Variants in ADAM19 observed in about 807,000 individuals in gnomAD.
The protein encoded by ADAM19 is disintegrin and metalloproteinase domain-containing protein 19.
A neutral mutation model predicts 114.7 loss-of-function variants in ADAM19; 65 were observed. The observed-to-expected ratio is 0.57, with a 90% confidence interval of 0.46 to 0.70. The LOEUF is 0.70. Ranked by LOEUF, ADAM19 falls within the 30% of genes least tolerant of loss-of-function variation. The probability of loss-of-function intolerance (pLI) is 0.00; values close to 1 mark genes in which losing one functional copy is unlikely to be tolerated. For missense variants in ADAM19, 1,063 were observed against 1,204.7 expected (o/e 0.88, Z 1.74); for synonymous variants, 466 against 460.5 (o/e 1.01, Z -0.15).
chr5:157,521,987 C>T (rs1055637738), intron 5 of ADAM19, among the ~76,000 whole-genome samples: 5 of 152,286 alleles, frequency 3.3e-5, no homozygotes, highest in Admixed American at 3.3e-4. Flanking sequence ...AGGGAAAGTT[C>T]CAATGGAGGT....
At chr5:157,546,919 C>T (rs1234339943) in intron 3 of ADAM19, among the ~76,000 whole-genome samples, 10 of 152,196 alleles carry the variant, frequency 6.6e-5, no homozygotes, top group Admixed American at 6.5e-4. Flanking sequence ...TCAACAAAAG[C>T]CGGTTTCAGA....
chr5:157,526,025 C>A (rs1581328727), intron 5 of ADAM19, among the ~76,000 whole-genome samples: 1 of 152,130 alleles, frequency 6.6e-6, no homozygotes, highest in East Asian at 1.9e-4. Context: ...GACATTAGTA[C>A]AAACGATATT....
chr5:157,517,257 G>C (rs1471461882), intron 7 of ADAM19, among the ~76,000 whole-genome samples: 1 of 152,218 alleles, frequency 6.6e-6, no homozygotes, highest in African/African-American at 2.4e-5. Flanking sequence ...CTTAGAATGA[G>C]CTCTTTGGGA....
chr5:157,520,277 C>T (rs1342561303), intron 5 of ADAM19, among the ~76,000 whole-genome samples: 30 of 72,326 alleles, frequency 4.1e-4, no homozygotes, highest in African/African-American at 1.5e-3. Flanking sequence ...TCCACCCCAA[C>T]CCCCACCCCA....
intron 15 of ADAM19, 98 bp from the exon 16 acceptor site, chr5:157,493,275 G>T (rs1755236744): frequency 1.5e-6 from 2 of 1,341,680 alleles, no homozygotes; most frequent in Admixed American, 1.9e-5. Context: ...AAGACAGCAG[G>T]CTTGCGTGGG....
intron 1 of ADAM19, 75 bp downstream of exon 1, chr5:157,575,528 G>C: frequency 7.7e-6 from 9 of 1,174,932 alleles, no homozygotes; most frequent in Non-Finnish European, 1.0e-5. Flanking sequence ...CGCGGTCCCA[G>C]CGCTCCGGAC....
Position 157,509,478 on chromosome 5 carries a change from A to G in ADAM19, c.739-11T>C. 6.4e-7 allele frequency: 1 copy of G among 1,572,826 alleles called. No homozygotes were observed. The highest frequency in any genetic ancestry group is 8.7e-7 in the Non-Finnish European group (1 of 1,154,894). On this transcript the variant is annotated splice_polypyrimidine_tract_variant and intron_variant, in intron 8 of 22. Transcript: ENST00000257527. ...CAAGGATCGGTAAAACTGAAAGGAC[A>G]CAGAAAAACCACAGTATCTGTCAAT...
chr5:157,546,386 C>G (rs1269982131), intron 3 of ADAM19, among the ~76,000 whole-genome samples: 2 of 152,194 alleles, frequency 1.3e-5, no homozygotes, highest in Admixed American at 6.5e-5. Context: ...ATTAAGGATA[C>G]TCACTCAACA....
chr5:157,561,304 CT>C (rs955449867), intron 3 of ADAM19, among the ~76,000 whole-genome samples: 7 of 152,258 alleles, frequency 4.6e-5, no homozygotes, highest in Non-Finnish European at 1.5e-5. Flanking sequence ...TGCCCCATGC[CT>C]TTCCATCCTC....
intron 21 of ADAM19, among the ~76,000 whole-genome samples, chr5:157,483,975 G>A (rs1295633311): frequency 1.3e-5 from 2 of 149,464 alleles, no homozygotes; most frequent in Non-Finnish European, 3.0e-5. Context: ...GAGCATGTAC[G>A]TGTATTGCCT....
intron 7 of ADAM19, among the ~76,000 whole-genome samples, chr5:157,515,785 G>A (rs1236017134): frequency 6.6e-6 from 1 of 152,180 alleles, no homozygotes; most frequent in South Asian, 2.1e-4. Context: ...TTACAGGCCT[G>A]TGTTTACAGT....
At position 157,501,216 on chromosome 5, in the gene ADAM19, C is replaced by T. The variant is rs558001595; in HGVS notation, c.1309-1554G>A. Among the ~76,000 whole-genome samples, 4 of 152,200 alleles carry T rather than the reference C, an allele frequency of 2.6e-5. No homozygotes were observed. The South Asian group carries it at 8.3e-4, about 32-fold the overall frequency. ...TCCTAATGTACCATATTTCTTCCCA[C>T]GAAGGCACAGGCTCCCCTTCCACCT... On this transcript the variant is annotated intron_variant, in intron 12 of 22. Transcript: ENST00000257527.
Position 157,479,149 on chromosome 5 carries a change from A to G in ADAM19, c.*1800T>C, listed in dbSNP as rs11466817. 3 of 985,800 alleles carry G rather than the reference A, an allele frequency of 3.0e-6. No homozygotes were observed. Among genetic ancestry groups the G allele is most frequent in the Admixed American group, 6.1e-5 (1 of 16,272 alleles). The allele number at this position is 985,800 out of a possible 1,614,324, so 61.1% of individuals were successfully genotyped here. A position where few individuals can be genotyped will look rare whatever the true frequency, so the allele number is the denominator to read the frequency against. On this transcript the variant is annotated 3_prime_UTR_variant, in exon 23 of 23. Coordinates refer to ENST00000257527, the MANE Select transcript of ADAM19 (RefSeq NM_033274.5). ...AGCAAGGATGACCCACGGCAAGGACATGGGGAACCTGTATCACAGCCACCC... is the reference window on the plus strand; with the variant it reads ...AGCAAGGATGACCCACGGCAAGGACGTGGGGAACCTGTATCACAGCCACCC...
At chr5:157,532,750 C>T (rs771725962) in intron 4 of ADAM19, among the ~76,000 whole-genome samples, 2 of 152,158 alleles carry the variant, frequency 1.3e-5, no homozygotes, top group African/African-American at 2.4e-5. Flanking sequence ...AATCAGCTAC[C>T]CCGTGTGTCT....
At chr5:157,544,176 CCTCCTATCCCA>C (rs1756989557) in intron 3 of ADAM19, among the ~76,000 whole-genome samples, 1 of 152,214 alleles carries the variant, frequency 6.6e-6, no homozygotes, top group African/African-American at 2.4e-5. Context: ...ATTGGGACCT[CCTCCTATCCCA>C]GGGACTCCCT....
intron 5 of ADAM19, among the ~76,000 whole-genome samples, chr5:157,525,792 C>G (rs998720610): frequency 1.3e-4 from 20 of 152,230 alleles, no homozygotes; most frequent in Non-Finnish European, 1.0e-4. Flanking sequence ...GCACACTTTC[C>G]TACACATTCT....
chr5:157,522,851 G>A (rs899073463), intron 5 of ADAM19, among the ~76,000 whole-genome samples: 1 of 152,188 alleles, frequency 6.6e-6, no homozygotes, highest in Non-Finnish European at 1.5e-5. Flanking sequence ...GATGGCTCCA[G>A]TGATGGTGCC....
chr5:157,493,265 A>T (rs1262350782), intron 15 of ADAM19, 88 bp from the exon 16 acceptor site: 5 of 1,451,702 alleles, frequency 3.4e-6, no homozygotes, highest in Non-Finnish European at 4.8e-6. Context: ...TTTCTTGATC[A>T]AGACAGCAGG....
Position 157,491,884 on chromosome 5 carries a change from G to T in ADAM19, c.1937C>A (p.Thr646Asn). The part of the protein sequence containing the change: ...HICFEGQCRN[T>N]SFFETEGCGK... ...ACAGCCTTCAGTTTCAAAGAAGGAG[G>T]TGTTCCTGCACTGCCCCTCAAAGCA... Residue 646 changes from threonine (T) to asparagine (N), a missense_variant, in exon 17 of 23, where the codon ACC becomes AAC. Thr to Asn is a moderately conservative substitution (Grantham distance 65, BLOSUM62 0). Coordinates refer to ENST00000257527, the MANE Select transcript of ADAM19 (RefSeq NM_033274.5). The T allele has an allele frequency of 6.2e-7, 1 of 1,614,238 alleles. No homozygotes were observed. Among genetic ancestry groups the T allele is most frequent in the Non-Finnish European group, 8.5e-7 (1 of 1,180,048 alleles).
Sources: allele counts gnomAD v4.1 joint callset (sites outside exome capture counted in the v4.1 genomes callset), GRCh38; gene constraint gnomAD v4.1.1; transcripts MANE v1.5; gene names NCBI Gene and HGNC (gene_info 2026-07-23, HGNC 2026-07-21).